ARHGEF17: variants seen among roughly 807,000 people sequenced by gnomAD.
ARHGEF17 encodes the protein Rho guanine nucleotide exchange factor 17.
A neutral mutation model predicts 174.0 loss-of-function variants in ARHGEF17; 80 were observed. The ratio of observed to expected loss-of-function variants is 0.46; its 90% CI spans 0.38 to 0.55. The LOEUF (loss-of-function observed/expected upper bound fraction) is 0.55. Among genes scored for constraint, ARHGEF17 ranks in the 20% least tolerant of loss-of-function variants. ARHGEF17 has a pLI of 0.00. For synonymous variants in ARHGEF17, 1,311 were observed against 1,189.1 expected (o/e 1.10, Z -2.11); for missense variants, 2,886 against 2,839.7 (o/e 1.02, Z -0.37).
chr11:73,344,783 A>G (rs1865433421), intron 1 of ARHGEF17, among the ~76,000 whole-genome samples: 1 of 152,252 alleles, frequency 6.6e-6, no homozygotes, highest in Non-Finnish European at 1.5e-5. Flanking sequence ...TCACACAGCC[A>G]GTAAGGGCAG....
intron 13 of ARHGEF17, 77 bp downstream of exon 13, chr11:73,362,316 GC>G: frequency 6.9e-7 from 1 of 1,446,402 alleles, no homozygotes; most frequent in Non-Finnish European, 9.1e-7. Flanking sequence ...CTCTCAGGCC[GC>G]CCCGGCGTGG....
Position 73,346,879 on chromosome 11 carries a change from A to G in ARHGEF17, c.3193-4A>G, listed in dbSNP as rs1865470189. On this transcript the variant is annotated splice_region_variant and splice_polypyrimidine_tract_variant and intron_variant, in intron 1 of 20. Coordinates refer to ENST00000263674, the MANE Select transcript of ARHGEF17 (RefSeq NM_014786.4). ...CTGTTCACCCTCTGCTCCTGTCCCC[A>G]CAGGACATGCGGAAGCACGTGGCCA... The G allele has an allele frequency of 6.7e-7, 1 of 1,489,338 alleles. No individual in the cohort carries two copies. Among genetic ancestry groups the G allele is most frequent in the Non-Finnish European group, 9.0e-7 (1 of 1,114,714 alleles). The allele number at this position is 1,489,338 out of a possible 1,614,324, so 92.3% of individuals were successfully genotyped here.
chr11:73,314,098 C>T (rs1382707565), intron 1 of ARHGEF17, among the ~76,000 whole-genome samples: 1 of 152,222 alleles, frequency 6.6e-6, no homozygotes, highest in Non-Finnish European at 1.5e-5. Context: ...TAGCTTGAAC[C>T]CCTCCTGCTG....
chr11:73,319,717 C>T (rs1485335808), intron 1 of ARHGEF17, among the ~76,000 whole-genome samples: 4 of 152,190 alleles, frequency 2.6e-5, no homozygotes, highest in African/African-American at 4.8e-5. Flanking sequence ...CATTGAGCTC[C>T]GTGTTGGGCA....
rs886115201 is a variant in ARHGEF17, at chr11:73,308,470, A to G, written c.-169A>G. Reference sequence around the variant, plus strand: ...TGGAGACGTTGCGGCCGGTGGCCACAGAAACTTGAGCCGCGGCAGAGAAAC... The same window carrying G: ...TGGAGACGTTGCGGCCGGTGGCCACGGAAACTTGAGCCGCGGCAGAGAAAC... On this transcript the variant is annotated 5_prime_UTR_variant, in exon 1 of 21. Transcript: ENST00000263674. 6.7e-6 allele frequency: 4 copies of G among 598,282 alleles called. No individual in the cohort carries two copies. The highest frequency in any genetic ancestry group is 5.8e-5 in the African/African-American group (3 of 51,690). 37.1% of individuals were successfully genotyped at this position (598,282 alleles called of 1,614,324 possible).
chr11:73,364,220 G>T lies in ARHGEF17; in HGVS notation c.5382G>T (p.Val1794=). The change falls in exon 17 of 21, where the codon GTG becomes GTT. Residue 1794 remains valine (V), a synonymous_variant. Coordinates refer to ENST00000263674, the MANE Select transcript of ARHGEF17 (RefSeq NM_014786.4). ...TGTCTCTGGCCAATGGAGAGCTTGT[G>T]GTCTACCAAAGGGAAGCAGGTGAGT... The part of the protein sequence containing the change: ...VFVSLANGEL[V]VYQREAGHFW... The T allele has an allele frequency of 1.2e-6, 2 of 1,614,152 alleles. No homozygotes were observed. The highest frequency in any genetic ancestry group is 1.7e-5 in the Admixed American group (1 of 60,012).
At chr11:73,362,275 G>A (rs1329993595) in intron 13 of ARHGEF17, 36 bp downstream of exon 13, 12 of 1,475,960 alleles carry the variant, frequency 8.1e-6, no homozygotes, top group Non-Finnish European at 1.1e-5. Flanking sequence ...GGCACCGCGG[G>A]CCTGGGAGAA....
chr11:73,316,449 TA>T (rs1864930568), intron 1 of ARHGEF17, among the ~76,000 whole-genome samples: 1 of 151,460 alleles, frequency 6.6e-6, no homozygotes, highest in African/African-American at 2.4e-5. Context: ...GAGAAAAAAA[TA>T]AAGCAGGATA....
At chr11:73,319,448 C>T (rs1864980437) in intron 1 of ARHGEF17, among the ~76,000 whole-genome samples, 1 of 152,184 alleles carries the variant, frequency 6.6e-6, no homozygotes. Context: ...TCTCAGAATC[C>T]TTAATTACAC....
chr11:73,342,570 TAC>T (rs1486419192), intron 1 of ARHGEF17, among the ~76,000 whole-genome samples: 2 of 152,144 alleles, frequency 1.3e-5, no homozygotes, highest in African/African-American at 4.8e-5. Flanking sequence ...CCCTTGTGCA[TAC>T]GGGTCCAGGC....
chr11:73,311,472 G>A lies in ARHGEF17; in HGVS notation c.2834G>A (p.Gly945Asp). Residue 945 changes from glycine to aspartate, a missense_variant, in exon 1 of 21, where the codon GGC (glycine) becomes GAC (aspartate). By Grantham distance (94) the Gly-to-Asp change is moderately conservative (BLOSUM62 -1). Coordinates refer to ENST00000263674, the MANE Select transcript of ARHGEF17 (RefSeq NM_014786.4). ...GACGAGGGCAGTCAGGACCAGACTGGCAGCCTGTCTCGGGCCCGGCCCTCC... is the reference window on the plus strand; with the variant it reads ...GACGAGGGCAGTCAGGACCAGACTGACAGCCTGTCTCGGGCCCGGCCCTCC... Reference protein sequence around the residue: ...RRDEGSQDQTGSLSRARPSSR... With the variant: ...RRDEGSQDQTDSLSRARPSSR... The A allele has an allele frequency of 6.2e-7, 1 of 1,613,230 alleles. No homozygotes were observed. Among genetic ancestry groups the A allele is most frequent in the South Asian group, 1.1e-5 (1 of 91,090 alleles).
rs1178522621 is a variant in ARHGEF17 at position 73,309,783 on chromosome 11, C to T, written c.1145C>T (p.Ala382Val). The T allele has an allele frequency of 6.2e-7, 1 of 1,613,026 alleles. No individual in the cohort carries two copies. Among genetic ancestry groups the T allele is most frequent in the Admixed American group, 1.7e-5 (1 of 60,032 alleles). The change falls in exon 1 of 21, where the codon GCC becomes GTC. Residue 382 changes from alanine to valine, a missense_variant. Physicochemically the swap from Ala to Val is moderately conservative, Grantham distance 64. Around this residue, in one of 4 missense-constraint regions of ARHGEF17, gnomAD observed 1,728 missense variants for 1,461.2 expected, o/e 1.18. Coordinates refer to ENST00000263674, the MANE Select transcript of ARHGEF17 (RefSeq NM_014786.4). ...VAKVSFPSYL[A>V]SPAGSRGSSR... ...AAGGTGAGCTTTCCCTCGTACCTGGCCAGCCCCGCAGGCTCCCGCGGTAGC... is the reference window on the plus strand; with the variant it reads ...AAGGTGAGCTTTCCCTCGTACCTGGTCAGCCCCGCAGGCTCCCGCGGTAGC...
Position 73,311,787 on chromosome 11 carries a change from A to C in ARHGEF17, c.3149A>C (p.Asp1050Ala). ...CCCCCTGAGGCAGCTCGGCCTGCAGATGAGCCTACCCCTGCCAGCAAGTGC... is the reference window on the plus strand; with the variant it reads ...CCCCCTGAGGCAGCTCGGCCTGCAGCTGAGCCTACCCCTGCCAGCAAGTGC... ...AKPPEAARPA[D>A]EPTPASKCCS... Residue 1050 changes from aspartate (D) to alanine (A), a missense_variant, in exon 1 of 21, where the codon GAT becomes GCT. Physicochemically the swap from Asp to Ala is moderately radical, Grantham distance 126. This residue lies in a region of ARHGEF17 where 1,728 missense variants were observed against 1,461.2 expected (regional missense o/e 1.18). Transcript: ENST00000263674. 2.5e-6 allele frequency: 4 copies of C among 1,611,252 alleles called. No individual in the cohort carries two copies. Among genetic ancestry groups the C allele is most frequent in the Non-Finnish European group, 3.4e-6 (4 of 1,178,700 alleles).
rs1408735175 is a variant in ARHGEF17 at position 73,309,954 on chromosome 11, C to T, written c.1316C>T (p.Pro439Leu). 1.2e-6 allele frequency: 2 copies of T among 1,613,794 alleles called. No individual in the cohort carries two copies. The highest frequency in any genetic ancestry group is 1.7e-5 in the Admixed American group (1 of 60,014). Residue 439 changes from proline to leucine, a missense_variant, in exon 1 of 21, where the codon CCT becomes CTT. Transcript: ENST00000263674. Reference sequence around the variant, plus strand: ...CAGGCTCGAACCCGTGCCAAAGGACCTGGAGGCACCTCTAGGGCATTGAGG... The same window carrying T: ...CAGGCTCGAACCCGTGCCAAAGGACTTGGAGGCACCTCTAGGGCATTGAGG... ...RSQARTRAKG[P>L]GGTSRALRDG... is the part of the protein sequence containing the mutation.
At position 73,310,963 on chromosome 11, in the gene ARHGEF17, G is replaced by T; in HGVS notation, c.2325G>T (p.Met775Ile). 2 of 1,614,186 alleles carry T rather than the reference G, an allele frequency of 1.2e-6. No homozygotes were observed. The highest frequency in any genetic ancestry group is 1.7e-6 in the Non-Finnish European group (2 of 1,180,024). ...CAGGGCTCCCTGCCACCTCAGCCAT[G>T]GATGAGGGCTTGACCAGTGGTCACA... ...PKTGLPATSA[M>I]DEGLTSGHSD... Residue 775 changes from methionine to isoleucine, a missense_variant, in exon 1 of 21, where the codon ATG becomes ATT. Transcript: ENST00000263674.
Position 73,357,079 on chromosome 11 carries a change from G to A in ARHGEF17, c.3946G>A (p.Val1316Ile), listed in dbSNP as rs370494524. 16 of 1,614,070 alleles carry A rather than the reference G, an allele frequency of 9.9e-6. No homozygotes were observed. Among genetic ancestry groups the A allele is most frequent in the African/African-American group, 4.0e-5 (3 of 74,918 alleles). ...RSLFLFTDLI[V>I]CTTLKRKSGS... ...TCTCTTCCTGTTCACGGACCTCATC[G>A]TCTGCACCACTCTGAAGCGAAAGTC... Residue 1316 changes from valine (V) to isoleucine (I), a missense_variant, in exon 8 of 21, where the codon GTC (valine) becomes ATC (isoleucine). Val to Ile is a conservative substitution (Grantham distance 29). Coordinates refer to ENST00000263674, the MANE Select transcript of ARHGEF17 (RefSeq NM_014786.4).
rs1209741055 is a variant in ARHGEF17, at chr11:73,365,244, G to A, written c.5551-146G>A. 3 of 856,610 alleles carry A rather than the reference G, an allele frequency of 3.5e-6. No homozygotes were observed. The highest frequency in any genetic ancestry group is 1.7e-5 in the South Asian group (1 of 57,426). The allele number at this position is 856,610 out of a possible 1,614,324, so 53.1% of individuals were successfully genotyped here. The stretch of plus-strand genomic sequence containing the variant: ...CTGAGAACTAAGTTGGGAGGTGCTG[G>A]TGAAACCAAGCTTCGAAAGGTTAAT... On this transcript the variant is annotated intron_variant, in intron 18 of 20. Coordinates refer to ENST00000263674, the MANE Select transcript of ARHGEF17 (RefSeq NM_014786.4). This position sits in a 1 kb window ranked among gnomAD's most constrained non-coding sequence, Gnocchi z 4.9.
In ARHGEF17 at chr11:73,363,414, G is replaced by A; in HGVS notation, c.5205G>A (p.Glu1735=). 1.2e-6 allele frequency: 2 copies of A among 1,613,454 alleles called. No individual in the cohort carries two copies. Among genetic ancestry groups the A allele is most frequent in the South Asian group, 1.1e-5 (1 of 91,058 alleles). ...SLEDLLSVDP[E]AYQSSVWLGT... ...AGGACCTGCTGAGTGTCGACCCTGA[G>A]GCCTACCAGAGCTCCGTGTGGCTGG... is the stretch of plus-strand genomic sequence containing the variant. The change falls in exon 15 of 21, where the codon GAG becomes GAA. Residue 1735 remains glutamate (E), a synonymous_variant. Transcript: ENST00000263674.
In ARHGEF17 at chr11:73,310,353, T is replaced by G; in HGVS notation, c.1715T>G (p.Leu572Arg). The G allele has an allele frequency of 6.2e-7, 1 of 1,613,854 alleles. No individual in the cohort carries two copies. The highest frequency in any genetic ancestry group is 8.5e-7 in the Non-Finnish European group (1 of 1,179,996). ...SALKSSSSEL[L>R]LTGPGAEEDP... Reference sequence around the variant, plus strand: ...CTGAAGTCCAGCTCCTCCGAGCTCCTGCTCACAGGCCCTGGTGCCGAGGAG... The same window carrying G: ...CTGAAGTCCAGCTCCTCCGAGCTCCGGCTCACAGGCCCTGGTGCCGAGGAG... Residue 572 changes from leucine (L) to arginine (R), a missense_variant, in exon 1 of 21, where the codon CTG becomes CGG. This residue lies in a region of ARHGEF17 where 1,728 missense variants were observed against 1,461.2 expected (regional missense o/e 1.18). Transcript: ENST00000263674.
Sources: gnomAD v4.1 joint callset for allele counts (sites outside exome capture counted in the v4.1 genomes callset) on GRCh38, gnomAD v4.1.1 for gene constraint, gnomAD v4.1.1 regional missense constraint, Gnocchi (gnomAD v3.1) non-coding constraint, MANE v1.5 for transcripts, NCBI Gene and HGNC (gene_info 2026-07-23, HGNC 2026-07-21) for gene names.